The following DAB1 variants were observed in gnomAD, a reference collection of about 807,000 sequenced individuals.
DAB1 encodes disabled homolog 1.
Under a neutral mutation model 64.6 loss-of-function variants are expected in DAB1, and 15 were observed. The ratio of observed to expected loss-of-function variants is 0.23; its 90% CI spans 0.16 to 0.36. The LOEUF (loss-of-function observed/expected upper bound fraction) is 0.36. Ranked by LOEUF, DAB1 falls within the 10% of genes least tolerant of loss-of-function variation. The probability of loss-of-function intolerance (pLI) is 1.00; values close to 1 mark genes in which losing one functional copy is unlikely to be tolerated. For synonymous variants in DAB1, 235 were observed against 251.9 expected (o/e 0.93, Z 0.64); for missense variants, 596 against 706.7 (o/e 0.84, Z 1.78).
chr1:57,773,233 T>G (rs913455049), intron 6 of DAB1, among the ~76,000 whole-genome samples: 1 of 152,076 alleles, frequency 6.6e-6, no homozygotes. Flanking sequence ...CATTTTTTCA[T>G]GTACTGATTA....
chr1:57,337,158 C>T (rs752106537), intron 1 of DAB1, among the ~76,000 whole-genome samples: 3 of 152,234 alleles, frequency 2.0e-5, no homozygotes, highest in African/African-American at 7.2e-5. Context: ...CTGCAAGCCA[C>T]CATCCCCTTT....
intron 2 of DAB1, among the ~76,000 whole-genome samples, chr1:57,276,847 C>A (rs1671509215): frequency 1.3e-5 from 2 of 152,280 alleles, no homozygotes; most frequent in South Asian, 4.1e-4. Flanking sequence ...ATTTGTCTCT[C>A]TTTCTTATTA....
intron 2 of DAB1, among the ~76,000 whole-genome samples, chr1:57,256,451 C>T (rs1669766699): frequency 6.6e-6 from 1 of 152,128 alleles, no homozygotes; most frequent in Non-Finnish European, 1.5e-5. Context: ...TGTCTTTAAG[C>T]AAGTGGCTCC....
intron 6 of DAB1, among the ~76,000 whole-genome samples, chr1:57,700,893 T>C (rs1470070221): frequency 6.6e-6 from 1 of 152,166 alleles, no homozygotes; most frequent in African/African-American, 2.4e-5. Flanking sequence ...TTTTTTCCTC[T>C]GACTATGTAT....
chr1:57,206,616 A>G (rs572805165), intron 2 of DAB1, among the ~76,000 whole-genome samples: 1 of 152,284 alleles, frequency 6.6e-6, no homozygotes, highest in East Asian at 1.9e-4. Context: ...TCTTTGCTCA[A>G]AAACGGAGTT....
At position 58,166,102 on chromosome 1, in the gene DAB1, C is replaced by A. The variant is rs536815183; in HGVS notation, n.310-15514G>T. ...ACTTAAAGAGGAAGAGAAGAAGTCA[C>A]ATTTATTAATCAATGACTATACATC... On this transcript the variant is annotated intron_variant and non_coding_transcript_variant, in intron 4 of 20. Coordinates refer to the DAB1 transcript ENST00000485760. 1.5e-4 allele frequency among the ~76,000 whole-genome samples: 23 copies of A among 152,310 alleles called. No homozygotes were observed. The East Asian group carries it at 4.2e-3, about 28-fold the overall frequency.
At chr1:58,179,966 C>T (rs1021820090) in intron 4 of DAB1, among the ~76,000 whole-genome samples, 1 of 151,828 alleles carries the variant, frequency 6.6e-6, no homozygotes, top group Non-Finnish European at 1.5e-5. Flanking sequence ...AAAAATAACA[C>T]AAATTTTAAA....
At chr1:57,031,199 G>C (rs1228131874) in intron 9 of DAB1, among the ~76,000 whole-genome samples, 1 of 152,040 alleles carries the variant, frequency 6.6e-6, no homozygotes, top group Admixed American at 6.5e-5. Context: ...ATAGAACCTT[G>C]AGTTAATTAA....
intron 3 of DAB1, among the ~76,000 whole-genome samples, chr1:58,358,721 A>C (rs1644134127): frequency 6.6e-6 from 1 of 152,176 alleles, no homozygotes; most frequent in South Asian, 2.1e-4. Flanking sequence ...GCACCATCAA[A>C]TAAAAGCTGC....
At position 57,778,082 on chromosome 1, in the gene DAB1, A is replaced by C. The variant is rs536703290; in HGVS notation, n.551+105917T>G. ...GCTCAGAATTCAAGCTCCTTTATAC[A>C]CTCTGGAATTGCTTGGCTTAGAATT... is the stretch of plus-strand genomic sequence containing the variant. On this transcript the variant is annotated intron_variant and non_coding_transcript_variant, in intron 6 of 20. Coordinates refer to the DAB1 transcript ENST00000485760. Among the ~76,000 whole-genome samples the C allele has an allele frequency of 7.2e-5, 11 of 151,894 alleles. No individual in the cohort carries two copies. In the South Asian group the frequency reaches 1.7e-3, roughly 23 times the overall value.
At chr1:57,060,396 C>G (rs1292949279) in intron 9 of DAB1, among the ~76,000 whole-genome samples, 1 of 152,010 alleles carries the variant, frequency 6.6e-6, no homozygotes, top group Non-Finnish European at 1.5e-5. Flanking sequence ...ATGATCTGCT[C>G]GCCTCGGCCT....
At chr1:57,731,301 G>A (rs919161728) in intron 6 of DAB1, among the ~76,000 whole-genome samples, 1 of 152,134 alleles carries the variant, frequency 6.6e-6, no homozygotes, top group African/African-American at 2.4e-5. Context: ...GTGGGATGGT[G>A]GTTTCCAGGG....
At chr1:57,320,798 A>G (rs1268272425) in intron 1 of DAB1, among the ~76,000 whole-genome samples, 2 of 152,128 alleles carry the variant, frequency 1.3e-5, no homozygotes, top group East Asian at 3.9e-4. Context: ...ACAAAACCCT[A>G]TGTGGTAGTT....
chr1:57,413,212 T>A (rs147659721), intron 1 of DAB1, among the ~76,000 whole-genome samples: 231 of 152,306 alleles, frequency 1.5e-3, no homozygotes, highest in African/African-American at 5.2e-3. Flanking sequence ...AAAATATTAC[T>A]GCTCCTTGAC....
Position 57,225,464 on chromosome 1 carries a change from C to T in DAB1, c.67+65500G>A, listed in dbSNP as rs1667191165. On this transcript the variant is annotated intron_variant, in intron 2 of 14. Coordinates refer to ENST00000371236, the MANE Select transcript of DAB1 (RefSeq NM_001365792.1). ...ACTGAAATGTAATCACAAATTCCAC[C>T]TTTCACCACCCACCCATGCCACCAA... is the stretch of plus-strand genomic sequence containing the variant. Among the ~76,000 whole-genome samples, 2 of 152,004 alleles carry T rather than the reference C, an allele frequency of 1.3e-5. 1 individual carries two copies. The highest frequency in any genetic ancestry group is 4.2e-4 in the South Asian group (2 of 4,808).
chr1:57,044,146 C>T (rs908509819), intron 9 of DAB1, among the ~76,000 whole-genome samples: 4 of 152,224 alleles, frequency 2.6e-5, no homozygotes, highest in African/African-American at 4.8e-5. Context: ...TCTGACTCCA[C>T]CTAATGCAGG....
intron 9 of DAB1, among the ~76,000 whole-genome samples, chr1:57,052,404 C>A (rs1292257927): frequency 6.6e-6 from 1 of 152,140 alleles, no homozygotes; most frequent in Non-Finnish European, 1.5e-5. Context: ...TGATTTCAAG[C>A]TCTCAGAAAG....
chr1:58,245,044 A>G (rs1420989948), intron 4 of DAB1, among the ~76,000 whole-genome samples: 1 of 152,220 alleles, frequency 6.6e-6, no homozygotes, highest in Non-Finnish European at 1.5e-5. Flanking sequence ...AACTATGTCC[A>G]CAACTGCTCA....
At chr1:57,714,365 A>G (rs1390744525) in intron 6 of DAB1, among the ~76,000 whole-genome samples, 1 of 152,176 alleles carries the variant, frequency 6.6e-6, no homozygotes, top group Admixed American at 6.6e-5. Flanking sequence ...CTGAACTACT[A>G]TGATATGCTT....
Sources: gnomAD v4.1 joint callset for allele counts (sites outside exome capture counted in the v4.1 genomes callset) on GRCh38, gnomAD v4.1.1 for gene constraint, MANE v1.5 for transcripts, NCBI Gene and HGNC (gene_info 2026-07-23, HGNC 2026-07-21) for gene names.